Variants in CUL2 observed in about 807,000 individuals in gnomAD.
CUL2 encodes the protein cullin-2.
In CUL2, 22 loss-of-function variants were observed where a neutral mutation model predicts 110.2. That is an observed-to-expected ratio of 0.20 (90% CI 0.14 to 0.28). The LOEUF (loss-of-function observed/expected upper bound fraction) is 0.28, where lower values mean the gene tolerates loss of function less well. CUL2 is among the 10% of genes least tolerant of loss of function. CUL2 has a pLI of 1.00. For missense variants in CUL2, 631 were observed against 905.5 expected, an observed-to-expected ratio of 0.70 and a Z score of 3.89; for synonymous variants, 279 against 293.2, an observed-to-expected ratio of 0.95 and a Z score of 0.49.
intron 4 of CUL2, among the ~76,000 whole-genome samples, chr10:35,059,417 A>G (rs761933372): frequency 8.5e-5 from 13 of 152,222 alleles, no homozygotes; most frequent in Non-Finnish European, 1.8e-4. Context: ...GAAGACTGGC[A>G]AAAGGATTAC....
chr10:35,029,144 G>A (rs1294066806), intron 15 of CUL2, among the ~76,000 whole-genome samples: 5 of 150,654 alleles, frequency 3.3e-5, no homozygotes, highest in African/African-American at 2.4e-5. Context: ...TGCAACCTCC[G>A]CCTCTGGGGT....
At chr10:35,098,616 A>G (rs1409172751) in intron 2 of CUL2, among the ~76,000 whole-genome samples, 1 of 152,140 alleles carries the variant, frequency 6.6e-6, no homozygotes, top group East Asian at 1.9e-4. Flanking sequence ...GACAAAGAAG[A>G]TGGAAGAACT....
chr10:35,085,796 G>A (rs1330860770), intron 1 of CUL2, among the ~76,000 whole-genome samples: 1 of 151,784 alleles, frequency 6.6e-6, no homozygotes, highest in African/African-American at 2.4e-5. Context: ...GGCAGATAAG[G>A]TAGAACACAA....
At chr10:35,114,642 A>T (rs900982827) in intron 1 of CUL2, among the ~76,000 whole-genome samples, 3 of 152,030 alleles carry the variant, frequency 2.0e-5, no homozygotes. Context: ...CGGCCTCCCA[A>T]AGTGCTGGGA....
intron 1 of CUL2, chr10:35,074,062 GCTTGGTGAATACTTACT>G (rs2086753684): frequency 1.1e-6 from 1 of 885,850 alleles, no homozygotes; most frequent in Non-Finnish European, 1.8e-6. Context: ...TCACTAACAT[GCTTGGTGAATACTTACT>G]CCTTGCCAGG....
In CUL2 at chr10:35,063,058, T is replaced by C; in HGVS notation, c.124A>G (p.Ile42Val). 6.6e-7 allele frequency: 1 copy of C among 1,507,988 alleles called. No individual in the cohort carries two copies. Among genetic ancestry groups the C allele is most frequent in the East Asian group, 2.3e-5 (1 of 44,364 alleles). 93.4% of individuals were successfully genotyped at this position (1,507,988 alleles called of 1,614,324 possible). A position where few individuals can be genotyped will look rare whatever the true frequency, so the allele number is the denominator to read the frequency against. ...RATWNDRFSD[I>V]YALCVAYPEP... is the part of the protein sequence containing the mutation. ...GGATAGGCCACACATAAAGCATAGATATCTCTAGTTAAATTATTAAGGTTT... is the reference window on the plus strand; with the variant it reads ...GGATAGGCCACACATAAAGCATAGACATCTCTAGTTAAATTATTAAGGTTT... The change falls in exon 3 of 21, where the codon ATC becomes GTC. Residue 42 changes from isoleucine to valine, a missense_variant. Physicochemically the swap from Ile to Val is conservative, Grantham distance 29 (BLOSUM62 3). Transcript: ENST00000374749.
chr10:35,121,427 A>C (rs2087677446), intron 1 of CUL2, among the ~76,000 whole-genome samples: 1 of 152,174 alleles, frequency 6.6e-6, no homozygotes, highest in Non-Finnish European at 1.5e-5. Flanking sequence ...GGGTTTCGCC[A>C]TGTTGGCCAG....
At chr10:35,049,540 T>C in intron 6 of CUL2, 143 bp downstream of exon 6, 1 of 530,640 alleles carries the variant, frequency 1.9e-6, no homozygotes, top group Admixed American at 3.7e-5. Context: ...ACTTAAAAAA[T>C]GCTGGCATTG....
chr10:35,076,253 T>C (rs1589040415), intron 1 of CUL2, among the ~76,000 whole-genome samples: 1 of 151,996 alleles, frequency 6.6e-6, no homozygotes, highest in African/African-American at 2.4e-5. Context: ...ATGTGAGTGG[T>C]TGACTAGGGA....
At chr10:35,049,652 T>C (rs372509367) in intron 6 of CUL2, 31 bp downstream of exon 6, 2 of 1,559,178 alleles carry the variant, frequency 1.3e-6, no homozygotes, top group South Asian at 1.1e-5. Context: ...CAAAATAAAA[T>C]TGACTCAGTA....
At chr10:35,050,652 C>A (rs1156413426) in intron 5 of CUL2, among the ~76,000 whole-genome samples, 3 of 152,208 alleles carry the variant, frequency 2.0e-5, no homozygotes, top group African/African-American at 7.2e-5. Context: ...AAACATACAG[C>A]CATAGCTCAA....
At chr10:35,075,495 T>C (rs2086793426) in intron 1 of CUL2, among the ~76,000 whole-genome samples, 1 of 152,102 alleles carries the variant, frequency 6.6e-6, no homozygotes, top group Admixed American at 6.6e-5. Flanking sequence ...ACTCAGATTG[T>C]GTCCCATCAA....
intron 1 of CUL2, among the ~76,000 whole-genome samples, chr10:35,072,917 C>T (rs550471050): frequency 7.2e-5 from 11 of 152,234 alleles, no homozygotes; most frequent in South Asian, 2.1e-4. Context: ...CATCTTTTCT[C>T]GTCTCCCATC....
chr10:35,038,231 T>A (rs925773705), intron 9 of CUL2, among the ~76,000 whole-genome samples: 9 of 150,506 alleles, frequency 6.0e-5, no homozygotes, highest in African/African-American at 2.2e-4. Flanking sequence ...TTTGTTTTTT[T>A]AAAAATCAGA....
chr10:35,103,438 C>T (rs1415481146), intron 1 of CUL2, among the ~76,000 whole-genome samples: 1 of 150,832 alleles, frequency 6.6e-6, no homozygotes, highest in Non-Finnish European at 1.5e-5. Context: ...CATTCTCCTG[C>T]CTCAGCCTCC....
chr10:35,078,535 A>T (rs553386605), intron 1 of CUL2, among the ~76,000 whole-genome samples: 1 of 152,130 alleles, frequency 6.6e-6, no homozygotes, highest in South Asian at 2.1e-4. Flanking sequence ...TCCCAACCTC[A>T]GGTGATCCCC....
chr10:35,111,071 G>A (rs550032339), intron 1 of CUL2, among the ~76,000 whole-genome samples: 2 of 152,240 alleles, frequency 1.3e-5, no homozygotes, highest in Admixed American at 1.3e-4. Context: ...TTTAAAAGTA[G>A]CATGCATGGG....
rs369951515 is a variant in CUL2 at position 35,024,018 on chromosome 10, TAG to T, written c.1684+1112_1684+1113del. Among the ~76,000 whole-genome samples, 935 of 152,186 alleles carry T rather than the reference TAG, an allele frequency of 6.1e-3. 11 individuals carry two copies. The highest frequency in any genetic ancestry group is 0.021 in the African/African-American group (887 of 41,512). Reference sequence around the variant, plus strand: ...CCTGGCTAATTTTTGGATTTTTTAGTAGAGACAGGTTTTGTCATGTTGCCCAG... The same window carrying T: ...CCTGGCTAATTTTTGGATTTTTTAGTAGACAGGTTTTGTCATGTTGCCCAG... On this transcript the variant is annotated intron_variant, in intron 17 of 20. Transcript: ENST00000374749.
upstream of CUL2, among the ~76,000 whole-genome samples, chr10:35,092,056 G>A (rs1338667189): frequency 2.6e-5 from 4 of 152,046 alleles, no homozygotes; most frequent in African/African-American, 4.8e-5. Context: ...GGGCTCAAGC[G>A]AGTGTACCAT....
Sources: allele counts gnomAD v4.1 joint callset (sites outside exome capture counted in the v4.1 genomes callset), GRCh38; gene constraint gnomAD v4.1.1; transcripts MANE v1.5; gene names NCBI Gene and HGNC (gene_info 2026-07-23, HGNC 2026-07-21).